SIL1: variants seen among roughly 807,000 people sequenced by gnomAD.
SIL1 encodes the protein SIL1 nucleotide exchange factor, also known as nucleotide exchange factor SIL1.
A neutral mutation model predicts 49.1 loss-of-function variants in SIL1; 40 were observed. The ratio of observed to expected loss-of-function variants is 0.81; its 90% CI spans 0.63 to 1.06. The LOEUF is 1.06. Among genes scored for constraint, SIL1 ranks in the 50% least tolerant of loss-of-function variants. The pLI is 0.00. For missense variants in SIL1, 500 were observed against 572.6 expected, an observed-to-expected ratio of 0.87 and a Z score of 1.29; for synonymous variants, 253 against 250.8, an observed-to-expected ratio of 1.01 and a Z score of -0.08.
intron 1 of SIL1, among the ~76,000 whole-genome samples, chr5:139,137,905 G>A (rs1447955351): frequency 4.6e-5 from 7 of 150,552 alleles, no homozygotes; most frequent in Non-Finnish European, 5.9e-5. Flanking sequence ...CCACACACAC[G>A]CGCACACACA....
chr5:139,096,107 T>A (rs560922649), intron 3 of SIL1, among the ~76,000 whole-genome samples: 5 of 152,260 alleles, frequency 3.3e-5, no homozygotes, highest in African/African-American at 1.2e-4. Context: ...CAGTATGGTA[T>A]GAAGAATGTC....
chr5:139,106,040 T>G (rs1400199077), intron 3 of SIL1, among the ~76,000 whole-genome samples: 1 of 151,798 alleles, frequency 6.6e-6, no homozygotes, highest in Non-Finnish European at 1.5e-5. Context: ...GACGCAGGAG[T>G]GGGGAAGGCC....
chr5:139,044,185 T>C (rs778651921), intron 4 of SIL1, among the ~76,000 whole-genome samples: 15 of 152,176 alleles, frequency 9.9e-5, no homozygotes, highest in Non-Finnish European at 2.2e-4. Flanking sequence ...TAATATTTCA[T>C]TCAAATAGTT....
At chr5:139,044,355 G>A (rs548826526) in intron 4 of SIL1, among the ~76,000 whole-genome samples, 36 of 152,146 alleles carry the variant, frequency 2.4e-4, no homozygotes, top group South Asian at 2.1e-3. Context: ...CCTCCCTCTT[G>A]TAAGACTTGG....
intron 7 of SIL1, among the ~76,000 whole-genome samples, chr5:138,977,227 G>A (rs1379242965): frequency 6.6e-6 from 1 of 152,174 alleles, no homozygotes; most frequent in Non-Finnish European, 1.5e-5. Context: ...CCACAAACAT[G>A]GAGAGACATG....
chr5:139,122,728 A>G lies in SIL1; in HGVS notation c.106-1555T>C, dbSNP rs72790927. ...GATGCCAATGTAGAGCCCCTCCAAGAATTTTTACATTTTAACAAGAAATAA... is the reference window on the plus strand; with the variant it reads ...GATGCCAATGTAGAGCCCCTCCAAGGATTTTTACATTTTAACAAGAAATAA... On this transcript the variant is annotated intron_variant, in intron 2 of 9. Transcript: ENST00000394817. Among the ~76,000 whole-genome samples, 1,305 of 152,266 alleles carry G rather than the reference A, an allele frequency of 8.6e-3. 9 individuals carry two copies. Among genetic ancestry groups the G allele is most frequent in the Non-Finnish European group, 0.014 (984 of 68,004 alleles).
At chr5:139,130,526 T>A (rs1261049123) in intron 1 of SIL1, among the ~76,000 whole-genome samples, 1 of 152,158 alleles carries the variant, frequency 6.6e-6, no homozygotes, top group African/African-American at 2.4e-5. Flanking sequence ...CGTACATTGC[T>A]GGTGTAGATA....
intron 7 of SIL1, among the ~76,000 whole-genome samples, chr5:138,992,251 G>A (rs1767775568): frequency 6.6e-6 from 1 of 152,192 alleles, no homozygotes; most frequent in Non-Finnish European, 1.5e-5. Context: ...AAGAGACTAG[G>A]AACCCCACTC....
intron 1 of SIL1, among the ~76,000 whole-genome samples, chr5:139,178,704 C>G (rs1449673127): frequency 6.6e-6 from 1 of 152,088 alleles, no homozygotes; most frequent in African/African-American, 2.4e-5. Flanking sequence ...AGCCCTAGGA[C>G]CAAGTCAAAT....
At chr5:138,966,502 C>A (rs533382743) in intron 7 of SIL1, among the ~76,000 whole-genome samples, 53 of 152,138 alleles carry the variant, frequency 3.5e-4, no homozygotes, top group Non-Finnish European at 6.6e-4. Context: ...CCTCGGCGGG[C>A]GGGTGTAGGG....
At chr5:139,181,361 G>A (rs778091397) in intron 1 of SIL1, among the ~76,000 whole-genome samples, 5 of 152,114 alleles carry the variant, frequency 3.3e-5, no homozygotes, top group Non-Finnish European at 7.3e-5. Context: ...CCAGGGATTT[G>A]GGGGAAATAC....
intron 7 of SIL1, among the ~76,000 whole-genome samples, chr5:138,963,642 A>G (rs1767071487): frequency 6.6e-6 from 1 of 152,272 alleles, no homozygotes; most frequent in Admixed American, 6.5e-5. Context: ...GGTTTTGCTC[A>G]GATATTTAAG....
intron 7 of SIL1, chr5:139,012,888 AGT>A (rs962631731): frequency 1.3e-5 from 2 of 152,264 alleles, no homozygotes; most frequent in African/African-American, 2.4e-5. Context: ...CAGGAGACTG[AGT>A]CTGCAGTAAG....
chr5:139,039,416 A>G lies in SIL1; in HGVS notation c.453+3204T>C, dbSNP rs949417034. Among the ~76,000 whole-genome samples, 7 of 152,350 alleles carry G rather than the reference A, an allele frequency of 4.6e-5. No individual in the cohort carries two copies. In the South Asian group the frequency reaches 1.2e-3, roughly 27 times the overall value. Reference sequence around the variant, plus strand: ...GGCAGGAGTTGGACAGGTATTGTAAATAAGGTTTCTATCCTGTTAGGATGC... The same window carrying G: ...GGCAGGAGTTGGACAGGTATTGTAAGTAAGGTTTCTATCCTGTTAGGATGC... On this transcript the variant is annotated intron_variant, in intron 5 of 9. Transcript: ENST00000394817.
At chr5:138,985,174 T>C (rs931054170) in intron 7 of SIL1, among the ~76,000 whole-genome samples, 34 of 152,332 alleles carry the variant, frequency 2.2e-4, no homozygotes, top group African/African-American at 7.2e-4. Flanking sequence ...ATTTTAAGTA[T>C]GTTCAATTTT....
intron 7 of SIL1, among the ~76,000 whole-genome samples, chr5:138,980,644 C>T (rs1368857824): frequency 6.6e-6 from 1 of 152,114 alleles, no homozygotes; most frequent in East Asian, 1.9e-4. Context: ...TATGGAGTTG[C>T]CTCTGGGAAT....
At chr5:139,124,518 G>A (rs554975505) in intron 2 of SIL1, among the ~76,000 whole-genome samples, 4 of 152,218 alleles carry the variant, frequency 2.6e-5, no homozygotes, top group African/African-American at 7.2e-5. Flanking sequence ...CCCTATCTAT[G>A]CTTACCCTGT....
At chr5:139,155,352 T>G (rs1027965902) in intron 1 of SIL1, 3 of 152,020 alleles carry the variant, frequency 2.0e-5, no homozygotes, top group African/African-American at 7.3e-5. Context: ...AGATCAAGGT[T>G]CCAGCTGAAG....
At chr5:138,988,678 G>C (rs1767694462) in intron 7 of SIL1, among the ~76,000 whole-genome samples, 1 of 152,152 alleles carries the variant, frequency 6.6e-6, no homozygotes, top group African/African-American at 2.4e-5. Context: ...AGTGCTACCA[G>C]CCTGACCAAC....
Sources: allele counts gnomAD v4.1 joint callset (sites outside exome capture counted in the v4.1 genomes callset), GRCh38; gene constraint gnomAD v4.1.1; transcripts MANE v1.5; gene names NCBI Gene and HGNC (gene_info 2026-07-23, HGNC 2026-07-21).